MPDZ: variants seen among roughly 807,000 people sequenced by gnomAD.
The protein encoded by MPDZ is multiple PDZ domain protein.
MPDZ carries 234 observed loss-of-function variants against 239.1 expected under a neutral mutation model. The ratio of observed to expected loss-of-function variants is 0.98; its 90% CI spans 0.88 to 1.09. MPDZ has a LOEUF of 1.09. Ranked by LOEUF, MPDZ falls within the 50% of genes least tolerant of loss-of-function variation. MPDZ has a pLI of 0.00. For missense variants in MPDZ, 3,175 were observed against 2,510.0 expected, an observed-to-expected ratio of 1.26 and a Z score of -5.66; for synonymous variants, 1,048 against 881.3, an observed-to-expected ratio of 1.19 and a Z score of -3.35.
chr9:13,262,356 G>A (rs1970875253), intron 1 of MPDZ, among the ~76,000 whole-genome samples: 1 of 152,048 alleles, frequency 6.6e-6, no homozygotes, highest in African/African-American at 2.4e-5. Flanking sequence ...AGGCTGAAGT[G>A]GGAGGATCAC....
chr9:13,188,783 C>A lies in MPDZ; in HGVS notation c.2364+1G>T, dbSNP rs767669471. 1.9e-6 allele frequency: 3 copies of A among 1,607,466 alleles called. No homozygotes were observed. Among genetic ancestry groups the A allele is most frequent in the African/African-American group, 1.3e-5 (1 of 74,628 alleles). On this transcript the variant is annotated splice_donor_variant, in intron 17 of 46. Coordinates refer to ENST00000319217, the MANE Select transcript of MPDZ (RefSeq NM_001378778.1). LOFTEE classifies it high-confidence loss of function. ...GGAAGCAATAAAGTCTGAATTCTTA[C>A]GGGTAAAGGCTTAGCAACTCCTATT...
At chr9:13,140,866 C>A (rs955888065) in intron 27 of MPDZ, 1 of 152,074 alleles carries the variant, frequency 6.6e-6, no homozygotes, top group Non-Finnish European at 1.5e-5. Context: ...CCATATGATT[C>A]TCTTAACAAA....
At chr9:13,115,222 C>T (rs771733686) in intron 40 of MPDZ, 26 bp downstream of exon 40, 7 of 1,593,118 alleles carry the variant, frequency 4.4e-6, no homozygotes, top group Non-Finnish European at 6.0e-6. Context: ...GATTGCATCG[C>T]CCTGATGAAC....
rs1482944518 is a variant in MPDZ, at chr9:13,150,538, G to T, written c.3603C>A (p.Thr1201=). 1 of 1,574,342 alleles carries T rather than the reference G, an allele frequency of 6.4e-7. No individual in the cohort carries two copies. The highest frequency in any genetic ancestry group is 1.4e-5 in the African/African-American group (1 of 73,136). ...LEDSPAGKNG[T]LKPGDRIVEV... is the part of the protein sequence containing the mutation. ...CTACGATTCTATCTCCAGGTTTCAA[G>T]GTTCCATTTTTGCCAGCTGGACTAT... Residue 1201 remains threonine, a synonymous_variant, in exon 25 of 47, where the codon ACC becomes ACA. Coordinates refer to ENST00000319217, the MANE Select transcript of MPDZ (RefSeq NM_001378778.1).
At chr9:13,124,083 G>T (rs1377165417) in intron 35 of MPDZ, among the ~76,000 whole-genome samples, 3 of 152,172 alleles carry the variant, frequency 2.0e-5, no homozygotes, top group Non-Finnish European at 4.4e-5. Flanking sequence ...AGGACACTTG[G>T]TATAGTAGCG....
intron 1 of MPDZ, among the ~76,000 whole-genome samples, chr9:13,267,493 T>C (rs956060859): frequency 1.3e-5 from 2 of 152,214 alleles, no homozygotes; most frequent in African/African-American, 4.8e-5. Flanking sequence ...TATGATATCT[T>C]CTTTTCCATT....
At chr9:13,250,984 C>T (rs1024870584) in intron 1 of MPDZ, among the ~76,000 whole-genome samples, 3 of 151,608 alleles carry the variant, frequency 2.0e-5, no homozygotes, top group Non-Finnish European at 1.5e-5. Context: ...CAAAAATTAG[C>T]TGGGTGTGGT....
At position 13,126,727 on chromosome 9, in the gene MPDZ, TGA is replaced by T; in HGVS notation, c.4508_4509del (p.Leu1503GlnfsTer31). 1 of 1,613,940 alleles carries T rather than the reference TGA, an allele frequency of 6.2e-7. No individual in the cohort carries two copies. Among genetic ancestry groups the T allele is most frequent in the Non-Finnish European group, 8.5e-7 (1 of 1,179,832 alleles). ...LGIAISEEDT[L>X]SGVIIKSLTE... ...GTTAAGCTCTTTATGATGACTCCAC[TGA>T]GTGTATCTTCTTCGCTGATAGCAAT... is the stretch of plus-strand genomic sequence containing the variant. On this transcript the variant is annotated frameshift_variant, in exon 33 of 47. Transcript: ENST00000319217. LOFTEE classifies it high-confidence loss of function.
intron 10 of MPDZ, among the ~76,000 whole-genome samples, chr9:13,208,523 T>G (rs1030227373): frequency 6.6e-6 from 1 of 151,748 alleles, no homozygotes; most frequent in African/African-American, 2.4e-5. Flanking sequence ...TGCAAAGGTT[T>G]CTGAAAGAAT....
At chr9:13,122,909 T>C (rs1009359672) in intron 36 of MPDZ, among the ~76,000 whole-genome samples, 3 of 152,176 alleles carry the variant, frequency 2.0e-5, no homozygotes, top group African/African-American at 7.2e-5. Flanking sequence ...TAGAAACACT[T>C]TGAAATTTCA....
chr9:13,273,806 A>T (rs149515519), intron 1 of MPDZ, among the ~76,000 whole-genome samples: 3 of 152,342 alleles, frequency 2.0e-5, no homozygotes, highest in East Asian at 3.9e-4. Flanking sequence ...TTTAAGCAGA[A>T]ATCAAAATTT....
At chr9:13,230,689 G>A (rs993832200) in intron 3 of MPDZ, among the ~76,000 whole-genome samples, 1 of 152,106 alleles carries the variant, frequency 6.6e-6, no homozygotes, top group African/African-American at 2.4e-5. Flanking sequence ...AAATAGATCT[G>A]ATCTTGATTG....
At chr9:13,242,132 A>G (rs1182690692) in intron 3 of MPDZ, among the ~76,000 whole-genome samples, 1 of 151,852 alleles carries the variant, frequency 6.6e-6, no homozygotes, top group Non-Finnish European at 1.5e-5. Flanking sequence ...TTAAAGAACA[A>G]TTACTATATT....
chr9:13,110,609 G>A lies in MPDZ; in HGVS notation c.5829+27C>T, dbSNP rs7867086. The stretch of plus-strand genomic sequence containing the variant: ...TGTGTCTTCAGGCTACCTATATTCT[G>A]AATTATGCTTGGGATAAAAATCTTA... On this transcript the variant is annotated intron_variant, in intron 44 of 46. Transcript: ENST00000319217. 8.8e-4 allele frequency: 1,367 copies of A among 1,555,970 alleles called. 14 individuals carry two copies. In the African/African-American group the frequency reaches 0.017, roughly 19 times the overall value.
intron 17 of MPDZ, 76 bp from the exon 18 acceptor site, chr9:13,186,462 G>A: frequency 9.3e-7 from 1 of 1,069,644 alleles, no homozygotes; most frequent in Non-Finnish European, 1.4e-6. Context: ...GAAGAGTAAA[G>A]GTAGGAAAAG....
intron 12 of MPDZ, among the ~76,000 whole-genome samples, chr9:13,204,522 C>G (rs1265611012): frequency 6.6e-6 from 1 of 152,118 alleles, no homozygotes; most frequent in Non-Finnish European, 1.5e-5. Flanking sequence ...GATAATTTAT[C>G]TGCAATTACC....
chr9:13,209,326 A>G (rs547614001), intron 10 of MPDZ, among the ~76,000 whole-genome samples: 27 of 152,328 alleles, frequency 1.8e-4, no homozygotes, highest in African/African-American at 6.5e-4. Context: ...CCTGGCTATC[A>G]GAGCAAACAC....
At chr9:13,139,103 C>T (rs1016309829) in intron 28 of MPDZ, among the ~76,000 whole-genome samples, 2 of 152,112 alleles carry the variant, frequency 1.3e-5, no homozygotes, top group East Asian at 3.9e-4. Flanking sequence ...TCTTAGAAAA[C>T]GTTATTATAT....
chr9:13,249,729 T>G (rs972562907), intron 2 of MPDZ, among the ~76,000 whole-genome samples: 1 of 152,146 alleles, frequency 6.6e-6, no homozygotes, highest in East Asian at 1.9e-4. Context: ...ACCTGTAAAA[T>G]GGTTCTACAA....
Sources: gnomAD v4.1 joint callset for allele counts (sites outside exome capture counted in the v4.1 genomes callset) on GRCh38, gnomAD v4.1.1 for gene constraint, MANE v1.5 for transcripts, NCBI Gene and HGNC (gene_info 2026-07-23, HGNC 2026-07-21) for gene names.